CEP89: variants seen among roughly 807,000 people sequenced by gnomAD.
CEP89 encodes centrosomal protein 89.
In CEP89, 95 loss-of-function variants were observed where a neutral mutation model predicts 97.6. The ratio of observed to expected loss-of-function variants is 0.97; its 90% CI spans 0.82 to 1.15. The LOEUF (loss-of-function observed/expected upper bound fraction) is 1.15. Among genes scored for constraint, CEP89 ranks in the 50% most tolerant of loss-of-function variants. The probability of loss-of-function intolerance (pLI) is 0.00; values close to 1 mark genes in which losing one functional copy is unlikely to be tolerated. For synonymous variants in CEP89, 354 were observed against 349.1 expected (o/e 1.01, Z -0.16); for missense variants, 869 against 947.7 (o/e 0.92, Z 1.09).
At chr19:32,971,620 G>A in intron 1 of CEP89, 1 of 606,720 alleles carries the variant, frequency 1.6e-6, no homozygotes, top group Non-Finnish European at 2.9e-6. Context: ...TCGCACCACT[G>A]CACTCTAGCC....
At chr19:32,942,695 T>G (rs1298412863) in intron 5 of CEP89, among the ~76,000 whole-genome samples, 2 of 152,172 alleles carry the variant, frequency 1.3e-5, no homozygotes, top group African/African-American at 4.8e-5. Flanking sequence ...TGTGTTCTTA[T>G]TTATCATTTC....
In CEP89 at chr19:32,922,113, T is replaced by A. The variant is rs148612097; in HGVS notation, c.1268+1326A>T. Among the ~76,000 whole-genome samples the A allele has an allele frequency of 3.5e-3, 532 of 152,256 alleles. 7 individuals carry two copies. Among genetic ancestry groups the A allele is most frequent in the African/African-American group, 0.012 (513 of 41,556 alleles). ...CTAGATGCGGGGCCACACACAAAAATGAGCAGGACATTGGTTCCTGCCCCT... is the reference window on the plus strand; with the variant it reads ...CTAGATGCGGGGCCACACACAAAAAAGAGCAGGACATTGGTTCCTGCCCCT... On this transcript the variant is annotated intron_variant, in intron 12 of 18. Transcript: ENST00000305768.
At chr19:32,909,217 C>G (rs971906472) in intron 14 of CEP89, among the ~76,000 whole-genome samples, 2 of 152,192 alleles carry the variant, frequency 1.3e-5, no homozygotes, top group Non-Finnish European at 2.9e-5. Context: ...TTAGCAAACT[C>G]TTTTGGGGAG....
chr19:32,931,591 AT>A lies in CEP89; in HGVS notation c.887-21del. Reference sequence around the variant, plus strand: ...CAGCAACTAGGGAAAAAAATTTAATATTATACTATAAGAAATAACATCCAAT... The same window carrying A: ...CAGCAACTAGGGAAAAAAATTTAATATATACTATAAGAAATAACATCCAAT... On this transcript the variant is annotated intron_variant, in intron 8 of 18. Transcript: ENST00000305768. 6.5e-7 allele frequency: 1 copy of A among 1,540,658 alleles called. No homozygotes were observed. The highest frequency in any genetic ancestry group is 8.7e-7 in the Non-Finnish European group (1 of 1,143,736).
At chr19:32,893,121 G>A (rs1221918958) in intron 16 of CEP89, among the ~76,000 whole-genome samples, 1 of 150,412 alleles carries the variant, frequency 6.6e-6, no homozygotes, top group African/African-American at 2.4e-5. Flanking sequence ...AAAAAAACAC[G>A]ATTCAACTAT....
rs1266856632 is a variant in CEP89 at position 32,957,548 on chromosome 19, G to A, written c.305+2352C>T. 5.3e-5 allele frequency among the ~76,000 whole-genome samples: 8 copies of A among 152,088 alleles called. No homozygotes were observed. In the East Asian group the frequency reaches 7.7e-4, roughly 15 times the overall value. On this transcript the variant is annotated intron_variant, in intron 3 of 18. Transcript: ENST00000305768. ...GCCTGGGCTGGGCACAGTGGTTCAT[G>A]CCTGTCATCCCAGCACTTTGGGAGG...
chr19:32,913,094 A>T (rs996168162), intron 14 of CEP89, among the ~76,000 whole-genome samples: 4 of 147,962 alleles, frequency 2.7e-5, no homozygotes, highest in East Asian at 1.9e-4. Flanking sequence ...ATAATAATAA[A>T]AAATATAAAT....
chr19:32,938,881 C>A (rs934784640), intron 6 of CEP89, among the ~76,000 whole-genome samples: 14 of 152,128 alleles, frequency 9.2e-5, no homozygotes, highest in African/African-American at 3.4e-4. Flanking sequence ...ATCCAGGAGG[C>A]GGAGGTTGCA....
At chr19:32,937,393 C>T (rs1970600552) in intron 7 of CEP89, 2 of 489,710 alleles carry the variant, frequency 4.1e-6, no homozygotes, top group South Asian at 2.3e-5. Flanking sequence ...AGGATCCCAG[C>T]ATATCCCACA....
chr19:32,902,146 AT>A (rs1265818995), intron 14 of CEP89, among the ~76,000 whole-genome samples: 3 of 151,672 alleles, frequency 2.0e-5, no homozygotes, highest in Non-Finnish European at 4.4e-5. Flanking sequence ...TGCTAAAACA[AT>A]TTTTCCATAA....
intron 18 of CEP89, 79 bp downstream of exon 18, chr19:32,881,765 G>A: frequency 2.2e-6 from 3 of 1,334,750 alleles, no homozygotes; most frequent in Non-Finnish European, 3.0e-6. Context: ...AAATAAAACA[G>A]GCCCAGAGGG....
At chr19:32,928,263 T>C (rs757409348) in intron 9 of CEP89, among the ~76,000 whole-genome samples, 2 of 152,092 alleles carry the variant, frequency 1.3e-5, no homozygotes, top group Non-Finnish European at 2.9e-5. Context: ...CTAGTGACTG[T>C]TTTCACTGGA....
Position 32,881,987 on chromosome 19 carries a change from C to T in CEP89, c.1992G>A (p.Lys664=). ...GCAGACGGTGACTGATGTCCCCCAG[C>T]TTCAGTGCTGCCTGCTTCTTGTAGC... ...VKGYKKQAAL[K]LGDISHRLLE... Residue 664 remains lysine, a synonymous_variant, in exon 18 of 19, where the codon AAG becomes AAA. Coordinates refer to ENST00000305768, the MANE Select transcript of CEP89 (RefSeq NM_032816.5). The T allele has an allele frequency of 1.3e-6, 2 of 1,581,230 alleles. No individual in the cohort carries two copies. The highest frequency in any genetic ancestry group is 2.7e-5 in the African/African-American group (2 of 74,548).
rs745424367 is a variant in CEP89 at position 32,879,281 on chromosome 19, C to T, written c.2233G>A (p.Val745Met). The change falls in exon 19 of 19, where the codon GTG (valine) becomes ATG (methionine). Residue 745 changes from valine to methionine, a missense_variant. Val to Met is a conservative substitution (Grantham distance 21). Coordinates refer to ENST00000305768, the MANE Select transcript of CEP89 (RefSeq NM_032816.5). ...ACCAGAGCTCTGGGGTTGTCCTGCA[C>T]GCCTGTCCTCGTGAGTGTGTCCTGG... ...LLQDTLTRTG[V>M]QDNPRALVAP... 1.1e-5 allele frequency: 17 copies of T among 1,614,106 alleles called. No individual in the cohort carries two copies. Among genetic ancestry groups the T allele is most frequent in the African/African-American group, 4.0e-5 (3 of 74,944 alleles).
chr19:32,883,601 G>T (rs892284498), intron 17 of CEP89, among the ~76,000 whole-genome samples: 1 of 152,080 alleles, frequency 6.6e-6, no homozygotes, highest in East Asian at 1.9e-4. Flanking sequence ...CTTGAACCTG[G>T]GAGGCAGAGG....
chr19:32,903,753 G>A (rs554913911), intron 14 of CEP89, among the ~76,000 whole-genome samples: 32 of 152,180 alleles, frequency 2.1e-4, no homozygotes, highest in Non-Finnish European at 4.0e-4. Flanking sequence ...CAGGAGAGGT[G>A]AGAGGGAAAA....
At chr19:32,966,826 G>A (rs1026809975) in intron 1 of CEP89, among the ~76,000 whole-genome samples, 1 of 152,144 alleles carries the variant, frequency 6.6e-6, no homozygotes, top group Admixed American at 6.6e-5. Context: ...TGAGAAGCAA[G>A]TGATATCCTT....
intron 16 of CEP89, among the ~76,000 whole-genome samples, chr19:32,895,393 G>GA (rs922596248): frequency 6.6e-6 from 1 of 152,006 alleles, no homozygotes; most frequent in African/African-American, 2.4e-5. Context: ...AATGGAAACA[G>GA]AAAAAAATTG....
At chr19:32,896,241 A>C (rs1969638218) in intron 16 of CEP89, among the ~76,000 whole-genome samples, 1 of 152,206 alleles carries the variant, frequency 6.6e-6, no homozygotes, top group Non-Finnish European at 1.5e-5. Context: ...ATAGTAACCA[A>C]AATAGCACAG....
Sources: allele counts gnomAD v4.1 joint callset (sites outside exome capture counted in the v4.1 genomes callset), GRCh38; gene constraint gnomAD v4.1.1; transcripts MANE v1.5; gene names NCBI Gene and HGNC (gene_info 2026-07-23, HGNC 2026-07-21).